The following INVS variants were observed in gnomAD, a reference collection of about 807,000 sequenced individuals.
The protein encoded by INVS is inversion of embryo turning homolog.
INVS carries 86 observed loss-of-function variants against 108.8 expected under a neutral mutation model. That is an observed-to-expected ratio of 0.79 (90% CI 0.66 to 0.95). The LOEUF (loss-of-function observed/expected upper bound fraction) is 0.95, where lower values mean the gene tolerates loss of function less well. Among genes scored for constraint, INVS ranks in the 40% least tolerant of loss-of-function variants. The pLI is 0.00. For synonymous variants in INVS, 455 were observed against 473.5 expected (o/e 0.96, Z 0.51); for missense variants, 1,169 against 1,297.4 (o/e 0.90, Z 1.52).
chr9:100,287,022 T>A (rs1453476526), intron 13 of INVS, among the ~76,000 whole-genome samples: 15 of 152,182 alleles, frequency 9.9e-5, no homozygotes, highest in Admixed American at 9.8e-4. Flanking sequence ...CTTTGAACAA[T>A]GACAATTTAA....
In INVS at chr9:100,100,929, A is replaced by G. The variant is rs1424483245; in HGVS notation, c.-25+1513A>G. On this transcript the variant is annotated intron_variant, in intron 1 of 16. Transcript: ENST00000262457. ...TATATATATTATATGTATATATATA[A>G]TATATATAATATATATACATATATA... Among the ~76,000 whole-genome samples, 35 of 24,322 alleles carry G rather than the reference A, an allele frequency of 1.4e-3. 4 individuals are homozygous for G. The highest frequency in any genetic ancestry group is 4.5e-3 in the African/African-American group (17 of 3,776). The allele number at this position is 24,322 out of a possible 152,430, so 16.0% of individuals were successfully genotyped here. A position where few individuals can be genotyped will look rare whatever the true frequency, so the allele number is the denominator to read the frequency against.
At chr9:100,205,543 T>C (rs1830648807) in intron 3 of INVS, among the ~76,000 whole-genome samples, 3 of 151,978 alleles carry the variant, frequency 2.0e-5, no homozygotes, top group African/African-American at 7.2e-5. Flanking sequence ...GAAACAAGAG[T>C]AATATAGAAA....
intron 16 of INVS, 192 bp downstream of exon 16, chr9:100,298,202 C>T (rs1833847862): frequency 6.7e-7 from 1 of 1,492,206 alleles, no homozygotes; most frequent in Non-Finnish European, 8.9e-7. Flanking sequence ...CAACTAAAAG[C>T]TATTATTGTT....
intron 11 of INVS, among the ~76,000 whole-genome samples, chr9:100,266,827 A>T (rs1452744451): frequency 2.6e-5 from 4 of 152,100 alleles, no homozygotes; most frequent in Non-Finnish European, 1.5e-5. Context: ...CTCCTGCTAT[A>T]ATACCATTCC....
At chr9:100,176,391 C>T (rs1391480352) in intron 3 of INVS, among the ~76,000 whole-genome samples, 1 of 152,116 alleles carries the variant, frequency 6.6e-6, no homozygotes, top group African/African-American at 2.4e-5. Context: ...TAGAACCTAG[C>T]GTCAAGAATA....
intron 12 of INVS, among the ~76,000 whole-genome samples, chr9:100,279,714 G>A (rs1431734104): frequency 1.3e-5 from 2 of 152,162 alleles, no homozygotes; most frequent in Non-Finnish European, 2.9e-5. Flanking sequence ...TCTCTTTTCT[G>A]TGGAAGCATT....
At chr9:100,106,846 A>T (rs1157658810) in intron 2 of INVS, among the ~76,000 whole-genome samples, 1 of 152,114 alleles carries the variant, frequency 6.6e-6, no homozygotes, top group Non-Finnish European at 1.5e-5. Flanking sequence ...GGTAGACTAG[A>T]CTTAGACCAC....
intron 2 of INVS, among the ~76,000 whole-genome samples, chr9:100,124,988 T>C (rs1827839886): frequency 6.6e-6 from 1 of 152,232 alleles, no homozygotes; most frequent in South Asian, 2.1e-4. Context: ...TTGCCCCACC[T>C]CTGGGCTGCT....
rs529286338 is a variant in INVS, at chr9:100,224,185, A to G, written c.274-1877A>G. Among the ~76,000 whole-genome samples the G allele has an allele frequency of 5.9e-5, 9 of 152,346 alleles. No individual in the cohort carries two copies. In the South Asian group the frequency reaches 1.7e-3, roughly 28 times the overall value. On this transcript the variant is annotated intron_variant, in intron 3 of 16. Coordinates refer to ENST00000262457, the MANE Select transcript of INVS (RefSeq NM_014425.5). The stretch of plus-strand genomic sequence containing the variant: ...GGACAAGCTTGCTGTAGAGCTGCAC[A>G]TTCTTCACAGTAGGTGGTCTGCTTG...
At chr9:100,254,113 T>C (rs1013334100) in intron 10 of INVS, among the ~76,000 whole-genome samples, 1 of 152,172 alleles carries the variant, frequency 6.6e-6, no homozygotes, top group Non-Finnish European at 1.5e-5. Context: ...CCATTCTAAC[T>C]GGTATGAGAT....
chr9:100,194,688 A>C (rs1345283873), intron 3 of INVS, among the ~76,000 whole-genome samples: 3 of 152,174 alleles, frequency 2.0e-5, no homozygotes, highest in Non-Finnish European at 2.9e-5. Context: ...TCACCACTAA[A>C]CATGAAATTA....
chr9:100,155,303 A>T (rs1016905561), intron 3 of INVS, among the ~76,000 whole-genome samples: 1 of 151,622 alleles, frequency 6.6e-6, no homozygotes, highest in South Asian at 2.1e-4. Flanking sequence ...TTAACTGCAG[A>T]GAGAATTATT....
chr9:100,160,416 T>C (rs1272091102), intron 3 of INVS, among the ~76,000 whole-genome samples: 1 of 152,268 alleles, frequency 6.6e-6, no homozygotes, highest in Non-Finnish European at 1.5e-5. Flanking sequence ...GGATGTCTAA[T>C]TGACTGTCTT....
intron 3 of INVS, among the ~76,000 whole-genome samples, chr9:100,207,885 T>A (rs1830721623): frequency 1.3e-5 from 2 of 152,230 alleles, no homozygotes; most frequent in Non-Finnish European, 2.9e-5. Flanking sequence ...GTTTGTTTAT[T>A]TCCATTTGGT....
intron 12 of INVS, among the ~76,000 whole-genome samples, chr9:100,277,061 AGTCCCTTCTACGAGAGATT>A (rs1297305166): frequency 4.6e-5 from 7 of 152,186 alleles, no homozygotes; most frequent in Non-Finnish European, 7.3e-5. Flanking sequence ...GTGATGCTTA[AGTCCCTTCTACGAGAGATT>A]GTTCTGTGTC....
At chr9:100,217,163 G>A (rs574927856) in intron 3 of INVS, among the ~76,000 whole-genome samples, 1 of 152,140 alleles carries the variant, frequency 6.6e-6, no homozygotes, top group Admixed American at 6.5e-5. Flanking sequence ...ATAAAAATTA[G>A]CCAGGCATGG....
At chr9:100,116,411 G>C (rs922417214) in intron 2 of INVS, among the ~76,000 whole-genome samples, 2 of 151,930 alleles carry the variant, frequency 1.3e-5, no homozygotes, top group Non-Finnish European at 2.9e-5. Context: ...CCCAGCCTAA[G>C]TTTCATTATC....
In INVS at chr9:100,159,960, T is replaced by C. The variant is rs1019503205; in HGVS notation, c.273+33411T>C. Among the ~76,000 whole-genome samples, 7 of 152,142 alleles carry C rather than the reference T, an allele frequency of 4.6e-5. No individual in the cohort carries two copies. The South Asian group carries it at 1.2e-3, about 27-fold the overall frequency. On this transcript the variant is annotated intron_variant, in intron 3 of 16. Transcript: ENST00000262457. ...ATCTCCCCAAACTATGTGTCCTCAG[T>C]ATTGTGGGAAGAACCCACTTCATGA...
Position 100,273,074 on chromosome 9 carries a change from C to A in INVS, c.1782C>A (p.Ala594=). 1 of 1,612,902 alleles carries A rather than the reference C, an allele frequency of 6.2e-7. No individual in the cohort carries two copies. Among genetic ancestry groups the A allele is most frequent in the Non-Finnish European group, 8.5e-7 (1 of 1,179,168 alleles). ...AACAGTTGAGAAAAGATGCTGCTGCCAAGTAAGTATGAGCTACGCAGATTG... is the reference window on the plus strand; with the variant it reads ...AACAGTTGAGAAAAGATGCTGCTGCAAAGTAAGTATGAGCTACGCAGATTG... ...KHEQLRKDAA[A]KKREEENKRK... is the part of the protein sequence containing the mutation. The change falls in exon 12 of 17, where the codon GCC becomes GCA. Residue 594 remains alanine (A), a splice_region_variant and synonymous_variant. Transcript: ENST00000262457.
Sources: allele counts gnomAD v4.1 joint callset (sites outside exome capture counted in the v4.1 genomes callset), GRCh38; gene constraint gnomAD v4.1.1; transcripts MANE v1.5; gene names NCBI Gene and HGNC (gene_info 2026-07-23, HGNC 2026-07-21).